BLTP3B: variants seen among roughly 807,000 people sequenced by gnomAD.
The protein encoded by BLTP3B is UHRF1 (ICBP90) binding protein 1-like.
At chr12:100,136,745 CCTTAA>C in the BLTP3B span, among the ~76,000 whole-genome samples, 1 of 151,626 alleles carries the variant, frequency 6.6e-6, no homozygotes, top group Admixed American at 6.6e-5. Context: ...ATTATATGCA[CCTTAA>C]CTTTTCTTCA....
the BLTP3B span, among the ~76,000 whole-genome samples, chr12:100,139,931 T>C: frequency 6.6e-6 from 1 of 152,192 alleles, no homozygotes; most frequent in East Asian, 1.9e-4. Context: ...AAAGGTCACC[T>C]TTGAGAAGGT....
chr12:100,123,137 T>G, the BLTP3B span, among the ~76,000 whole-genome samples: 3 of 152,178 alleles, frequency 2.0e-5, no homozygotes, highest in Non-Finnish European at 4.4e-5. Context: ...AGCAGGGATC[T>G]TGTCCTCAGT....
the BLTP3B span, among the ~76,000 whole-genome samples, chr12:100,122,629 G>A: frequency 4.6e-5 from 7 of 152,106 alleles, no homozygotes; most frequent in African/African-American, 1.7e-4. Context: ...TAGCTCCTAA[G>A]AAAACTAATG....
At chr12:100,098,919 CAGAT>C in the BLTP3B span, among the ~76,000 whole-genome samples, 4 of 139,836 alleles carry the variant, frequency 2.9e-5, no homozygotes, top group Admixed American at 6.9e-5. Flanking sequence ...AAAATATAGA[CAGAT>C]AGATAGATAG....
the BLTP3B span, chr12:100,037,097 T>C: frequency 5.6e-6 from 5 of 889,152 alleles, no homozygotes; most frequent in African/African-American, 1.8e-5. Context: ...AATTATATAG[T>C]TTATTGATCT....
At chr12:100,047,833 T>C in the BLTP3B span, 2 of 1,213,762 alleles carry the variant, frequency 1.6e-6, no homozygotes, top group South Asian at 1.8e-5. Context: ...AAAATCATTT[T>C]AATAAATGCT....
At chr12:100,108,908 C>A in the BLTP3B span, among the ~76,000 whole-genome samples, 7 of 152,138 alleles carry the variant, frequency 4.6e-5, no homozygotes, top group South Asian at 1.5e-3. Flanking sequence ...TCACCAGAGG[C>A]TGGAAAGGGT....
the BLTP3B span, among the ~76,000 whole-genome samples, chr12:100,114,489 C>G: frequency 2.6e-5 from 4 of 152,182 alleles, no homozygotes; most frequent in African/African-American, 9.7e-5. Flanking sequence ...ACATCACTAG[C>G]TAGTATCCCA....
chr12:100,100,839 T>C, the BLTP3B span, among the ~76,000 whole-genome samples: 382 of 152,240 alleles, frequency 2.5e-3, 3 homozygotes, highest in African/African-American at 9.0e-3. Flanking sequence ...AGAGACTTTG[T>C]AGATTTAATA....
the BLTP3B span, among the ~76,000 whole-genome samples, chr12:100,066,823 T>C: frequency 0.01 from 1,536 of 150,982 alleles, 36 homozygotes; most frequent in African/African-American, 0.035. Flanking sequence ...AAAACTATAC[T>C]CTGGAACAAA....
chr12:100,085,746 A>G, the BLTP3B span, among the ~76,000 whole-genome samples: 1 of 152,146 alleles, frequency 6.6e-6, no homozygotes, highest in African/African-American at 2.4e-5. Context: ...TTTGGTCACA[A>G]TAATCATACT....
chr12:100,103,948 G>A, the BLTP3B span: 6 of 1,594,924 alleles, frequency 3.8e-6, no homozygotes, highest in Non-Finnish European at 5.1e-6. Flanking sequence ...TTTGTCCATG[G>A]GATCTACAAA....
the BLTP3B span, among the ~76,000 whole-genome samples, chr12:100,119,306 A>G: frequency 6.6e-6 from 1 of 152,238 alleles, no homozygotes; most frequent in Admixed American, 6.5e-5. Context: ...ATCTAAATAA[A>G]TGAAGAAATA....
chr12:100,091,740 G>C, the BLTP3B span, among the ~76,000 whole-genome samples: 13 of 151,042 alleles, frequency 8.6e-5, no homozygotes, highest in Admixed American at 5.3e-4. Flanking sequence ...CCTGACCTCA[G>C]GTGACCCACC....
chr12:100,058,791 A>C, the BLTP3B span: 1 of 1,613,994 alleles, frequency 6.2e-7, no homozygotes, highest in Non-Finnish European at 8.5e-7. Flanking sequence ...CTCATGCAGG[A>C]AAAGTAGAAG....
the BLTP3B span, chr12:100,059,127 C>G: frequency 6.2e-7 from 1 of 1,614,142 alleles, no homozygotes; most frequent in Non-Finnish European, 8.5e-7. Flanking sequence ...GTCTACAAAA[C>G]TTATTGGCCG....
the BLTP3B span, among the ~76,000 whole-genome samples, chr12:100,117,407 T>G: frequency 6.6e-6 from 1 of 152,110 alleles, no homozygotes; most frequent in Non-Finnish European, 1.5e-5. Context: ...CTAATGCCAA[T>G]CTAATCCTAA....
chr12:100,053,987 A>G, the BLTP3B span, among the ~76,000 whole-genome samples: 85 of 152,326 alleles, frequency 5.6e-4, no homozygotes, highest in African/African-American at 1.9e-3. Context: ...CCAGGAATGT[A>G]TATCATTAAA....
the BLTP3B span, among the ~76,000 whole-genome samples, chr12:100,098,190 C>T: frequency 6.6e-6 from 1 of 152,096 alleles, no homozygotes; most frequent in African/African-American, 2.4e-5. Context: ...TGCACTCCAG[C>T]CTGAGCAACA....
Sources: gnomAD v4.1 joint callset for allele counts (sites outside exome capture counted in the v4.1 genomes callset) on GRCh38, gnomAD v4.1.1 for gene constraint, MANE v1.5 for transcripts, NCBI Gene and HGNC (gene_info 2026-07-23, HGNC 2026-07-21) for gene names.